Variants in ABCC6 observed in about 807,000 individuals in gnomAD.
ABCC6 encodes the protein ATP-binding cassette sub-family C member 6.
ABCC6 carries 126 observed loss-of-function variants against 169.5 expected under a neutral mutation model. The observed-to-expected ratio is 0.74, with a 90% CI of 0.64 to 0.86. ABCC6 has a LOEUF of 0.86. Ranked by LOEUF, ABCC6 falls within the 40% of genes least tolerant of loss-of-function variation. The probability of loss-of-function intolerance (pLI) is 0.00; values close to 1 mark genes in which losing one functional copy is unlikely to be tolerated. For synonymous variants in ABCC6, 752 were observed against 814.7 expected, an observed-to-expected ratio of 0.92 and a Z score of 1.31; for missense variants, 1,733 against 1,927.2, an observed-to-expected ratio of 0.90 and a Z score of 1.89.
chr16:16,186,863 C>G (rs914109421), intron 14 of ABCC6, among the ~76,000 whole-genome samples: 2 of 152,084 alleles, frequency 1.3e-5, no homozygotes, highest in Admixed American at 1.3e-4. Context: ...TTGGGGACCA[C>G]TGTGTTAGAG....
intron 10 of ABCC6, among the ~76,000 whole-genome samples, chr16:16,195,282 A>T (rs926205560): frequency 2.1e-5 from 3 of 143,996 alleles, no homozygotes; most frequent in African/African-American, 7.6e-5. Context: ...TTATCTATGG[A>T]TATCTTGTTG....
At chr16:16,160,841 A>T (rs975885942) in intron 25 of ABCC6, among the ~76,000 whole-genome samples, 18 of 152,056 alleles carry the variant, frequency 1.2e-4, no homozygotes, top group Non-Finnish European at 2.4e-4. Context: ...GAACAAAAAC[A>T]TATAAAGCTC....
At chr16:16,152,215 A>AAAAAAAACT (rs2046406534) in intron 29 of ABCC6, among the ~76,000 whole-genome samples, 1 of 146,822 alleles carries the variant, frequency 6.8e-6, no homozygotes, top group Admixed American at 6.8e-5. Context: ...AAAAAAAAAA[A>AAAAAAAACT]GTGTGTAGGC....
chr16:16,192,963 G>A (rs1162812912), intron 10 of ABCC6, 41 bp from the exon 11 acceptor site: 3 of 1,567,270 alleles, frequency 1.9e-6, no homozygotes, highest in Non-Finnish European at 2.6e-6. Context: ...ATCCCGAGGA[G>A]CCCAGCTCTC....
chr16:16,162,963 C>G, intron 24 of ABCC6, 30 bp downstream of exon 24: 1 of 1,613,742 alleles, frequency 6.2e-7, no homozygotes, highest in Admixed American at 1.7e-5. Flanking sequence ...GGATGAATTG[C>G]AAGGTCTTCT....
chr16:16,190,079 TGG>T, intron 12 of ABCC6, 83 bp downstream of exon 12: 1 of 1,444,082 alleles, frequency 6.9e-7, no homozygotes, highest in Non-Finnish European at 9.7e-7. Flanking sequence ...TGGTAGGATC[TGG>T]GGGGCTCCAC....
chr16:16,192,105 G>A lies in ABCC6; in HGVS notation c.1431+725C>T, dbSNP rs73524066. Among the ~76,000 whole-genome samples the A allele has an allele frequency of 6.0e-3, 913 of 152,310 alleles. 9 individuals carry two copies. The highest frequency in any genetic ancestry group is 0.019 in the African/African-American group (769 of 41,564). ...TGCCATTTCCTTGCTGGAGGGTGGT[G>A]AGGGAAGCCGCCCTGACTGCAGGGA... On this transcript the variant is annotated intron_variant, in intron 11 of 30. Transcript: ENST00000205557.
chr16:16,217,975 A>G (rs1342298719), intron 4 of ABCC6, among the ~76,000 whole-genome samples: 2 of 152,200 alleles, frequency 1.3e-5, no homozygotes, highest in East Asian at 1.9e-4. Context: ...CTGTAATCCC[A>G]GCTACTTGGG....
chr16:16,172,132 A>ATGGATAAAATGGG (rs2047115452), intron 21 of ABCC6, among the ~76,000 whole-genome samples: 1 of 77,544 alleles, frequency 1.3e-5, no homozygotes, highest in Admixed American at 1.5e-4. Context: ...AAATGAATGG[A>ATGGATAAAATGGG]TGGGATGCAT....
chr16:16,184,565 G>C (rs1382070444), intron 15 of ABCC6, among the ~76,000 whole-genome samples: 1 of 152,192 alleles, frequency 6.6e-6, no homozygotes, highest in Non-Finnish European at 1.5e-5. Flanking sequence ...CGATAGAGTT[G>C]GAGACTATAG....
At chr16:16,208,486 C>T (rs1214689065) in intron 7 of ABCC6, among the ~76,000 whole-genome samples, 1 of 152,006 alleles carries the variant, frequency 6.6e-6, no homozygotes, top group Non-Finnish European at 1.5e-5. Flanking sequence ...GATTCTCCTG[C>T]CTCAAGCCTC....
intron 15 of ABCC6, 126 bp downstream of exon 15, chr16:16,184,833 C>T (rs1596663758): frequency 2.8e-6 from 3 of 1,062,610 alleles, no homozygotes; most frequent in East Asian, 4.8e-5. Context: ...AGCCCCAGCC[C>T]AGCCAAACCC....
At chr16:16,174,688 C>T (rs1004205164) in intron 20 of ABCC6, among the ~76,000 whole-genome samples, 10 of 140,708 alleles carry the variant, frequency 7.1e-5, no homozygotes, top group African/African-American at 2.3e-4. Context: ...ACCTGGGAGA[C>T]GGGGATTGCA....
chr16:16,171,883 T>C (rs1370648042), intron 21 of ABCC6, among the ~76,000 whole-genome samples: 6 of 99,214 alleles, frequency 6.0e-5, no homozygotes, highest in African/African-American at 2.5e-4. Flanking sequence ...GATAAATGAG[T>C]AGGTGGGATG....
intron 5 of ABCC6, among the ~76,000 whole-genome samples, chr16:16,213,111 G>T (rs1378012483): frequency 1.3e-5 from 2 of 149,418 alleles, no homozygotes; most frequent in South Asian, 2.1e-4. Context: ...TGAATACAGG[G>T]TCTCGCTCTG....
intron 17 of ABCC6, among the ~76,000 whole-genome samples, chr16:16,182,134 G>C (rs912169670): frequency 2.0e-5 from 3 of 152,156 alleles, no homozygotes; most frequent in African/African-American, 7.2e-5. Context: ...AGTAAGACAG[G>C]AGTCTAGGTC....
intron 2 of ABCC6, 116 bp downstream of exon 2, chr16:16,221,533 G>A (rs1288126661): frequency 4.6e-6 from 7 of 1,514,598 alleles, no homozygotes; most frequent in Middle Eastern, 1.8e-4. Flanking sequence ...TTGATTAACA[G>A]ATTCCCTTCT....
Position 16,177,549 on chromosome 16 carries a change from G to T in ABCC6, c.2493C>A (p.Ile831=), listed in dbSNP as rs910811997. Residue 831 remains isoleucine (I), a synonymous_variant, in exon 19 of 31, where the codon ATC becomes ATA. Coordinates refer to ENST00000205557, the MANE Select transcript of ABCC6 (RefSeq NM_001171.6). ...GCTCCTGGTAGGAACCCATCTCTGC[G>T]ATGGCCCCATTTGCCAGCACTATGA... The part of the protein sequence containing the change: ...DWIIVLANGA[I]AEMGSYQELL... 1 of 1,614,080 alleles carries T rather than the reference G, an allele frequency of 6.2e-7. No homozygotes were observed. The highest frequency in any genetic ancestry group is 8.5e-7 in the Non-Finnish European group (1 of 1,180,034).
chr16:16,208,847 C>T lies in ABCC6; in HGVS notation c.675G>A (p.Arg225=). Residue 225 remains arginine (R), a synonymous_variant, in exon 7 of 31, where the codon AGG becomes AGA. Transcript: ENST00000205557. ...TTGGTCTCAGTGGCCTCCTGTATCCCCTCCAGACCAGGCTGCAAAAGAGGG... is the reference window on the plus strand; with the variant it reads ...TTGGTCTCAGTGGCCTCCTGTATCCTCTCCAGACCAGGCTGCAAAAGAGGG... ...TFWWVSGLVW[R]GYRRPLRPKD... The T allele has an allele frequency of 1.2e-6, 2 of 1,613,426 alleles. No individual in the cohort carries two copies. Among genetic ancestry groups the T allele is most frequent in the Non-Finnish European group, 1.7e-6 (2 of 1,179,734 alleles).
Sources: gnomAD v4.1 joint callset for allele counts (sites outside exome capture counted in the v4.1 genomes callset) on GRCh38, gnomAD v4.1.1 for gene constraint, MANE v1.5 for transcripts, NCBI Gene and HGNC (gene_info 2026-07-23, HGNC 2026-07-21) for gene names.